Variants in FRMD4A observed in about 807,000 individuals in gnomAD.
The protein encoded by FRMD4A is FERM domain-containing protein 4A.
Under a neutral mutation model 129.1 loss-of-function variants are expected in FRMD4A, and 29 were observed. The ratio of observed to expected loss-of-function variants is 0.22; its 90% CI spans 0.17 to 0.31. FRMD4A has a LOEUF of 0.31. Among genes scored for constraint, FRMD4A ranks in the 10% least tolerant of loss-of-function variants. The pLI is 1.00. For missense variants in FRMD4A, 1,272 were observed against 1,375.8 expected (o/e 0.92, Z 1.19); for synonymous variants, 634 against 571.6 (o/e 1.11, Z -1.56).
At chr10:13,785,856 G>T (rs951382973) in intron 5 of FRMD4A, among the ~76,000 whole-genome samples, 1 of 151,842 alleles carries the variant, frequency 6.6e-6, no homozygotes, top group African/African-American at 2.4e-5. Flanking sequence ...CCACCTATGA[G>T]TAAGAACATG....
At chr10:13,756,230 C>T (rs1281606831) in intron 8 of FRMD4A, 1 of 152,182 alleles carries the variant, frequency 6.6e-6, no homozygotes, top group African/African-American at 2.4e-5. Flanking sequence ...ATGTTTTTTA[C>T]TTGTCTCTGT....
chr10:14,130,434 AT>A (rs1589041528), intron 2 of FRMD4A, among the ~76,000 whole-genome samples: 2 of 152,002 alleles, frequency 1.3e-5, no homozygotes, highest in East Asian at 3.9e-4. Context: ...CTAATTAAAA[AT>A]TTTTTATGTA....
At chr10:13,945,033 C>T (rs1031897376) in intron 2 of FRMD4A, among the ~76,000 whole-genome samples, 2 of 152,136 alleles carry the variant, frequency 1.3e-5, no homozygotes, top group Admixed American at 6.5e-5. Flanking sequence ...CAGTGATCGC[C>T]CCTCCGGTCT....
intron 2 of FRMD4A, among the ~76,000 whole-genome samples, chr10:14,039,391 C>T (rs151011444): frequency 0.11 from 14,953 of 132,352 alleles, 1,113 homozygotes; most frequent in African/African-American, 0.25. Context: ...TCCATCCATC[C>T]ATCCATCCAT....
intron 2 of FRMD4A, among the ~76,000 whole-genome samples, chr10:13,963,764 T>C (rs2095463476): frequency 6.6e-6 from 1 of 152,216 alleles, no homozygotes; most frequent in Non-Finnish European, 1.5e-5. Flanking sequence ...TCTTATATAT[T>C]AGCTCACATG....
intron 14 of FRMD4A, among the ~76,000 whole-genome samples, chr10:13,696,963 G>C (rs1448379287): frequency 6.6e-6 from 1 of 152,204 alleles, no homozygotes; most frequent in Non-Finnish European, 1.5e-5. Flanking sequence ...TTTGCTAACT[G>C]AGGTTAGATT....
intron 2 of FRMD4A, among the ~76,000 whole-genome samples, chr10:14,052,714 A>G (rs7078468): frequency 0.19 from 26,278 of 138,012 alleles, 2,908 homozygotes; most frequent in East Asian, 0.45. Context: ...GCTCACCACC[A>G]TAACTGGCTA....
intron 3 of FRMD4A, among the ~76,000 whole-genome samples, chr10:13,847,239 G>A (rs987749215): frequency 2.6e-5 from 4 of 152,164 alleles, no homozygotes; most frequent in African/African-American, 9.7e-5. Context: ...CCTAGTGGGC[G>A]GCCCCAGGGG....
chr10:14,176,530 A>T (rs1425852185), intron 2 of FRMD4A, among the ~76,000 whole-genome samples: 1 of 139,056 alleles, frequency 7.2e-6, no homozygotes, highest in Non-Finnish European at 1.5e-5. Flanking sequence ...GCTGGAGTGC[A>T]ATGGCGCAAT....
intron 8 of FRMD4A, among the ~76,000 whole-genome samples, chr10:13,750,069 G>GAAGGAAGGAAGAAAGA (rs1382966135): frequency 3.6e-5 from 2 of 55,598 alleles, no homozygotes; most frequent in African/African-American, 6.3e-5. Flanking sequence ...AGGAAGGAAG[G>GAAGGAAGGAAGAAAGA]AAGAAAGAAA....
At chr10:13,651,833 C>A in intron 24 of FRMD4A, 70 bp downstream of exon 24, 1 of 804,842 alleles carries the variant, frequency 1.2e-6, no homozygotes, top group Non-Finnish European at 2.3e-6. Context: ...GAAATGATGA[C>A]ATGGACAAAA....
At chr10:14,065,211 T>A (rs1243578582) in intron 2 of FRMD4A, among the ~76,000 whole-genome samples, 3 of 151,990 alleles carry the variant, frequency 2.0e-5, no homozygotes, top group African/African-American at 4.8e-5. Context: ...AGATGGAGGA[T>A]CTCGCTCTGT....
intron 3 of FRMD4A, among the ~76,000 whole-genome samples, chr10:13,814,580 C>CAAAAAAAAAAAAAA (rs553044764): frequency 1.7e-4 from 7 of 41,390 alleles, no homozygotes; most frequent in East Asian, 7.8e-4. Flanking sequence ...GACCCTGTTT[C>CAAAAAAAAAAAAAA]AAAAAAAAAA....
At chr10:13,758,233 A>G (rs2130685876) in intron 8 of FRMD4A, among the ~76,000 whole-genome samples, 1 of 152,348 alleles carries the variant, frequency 6.6e-6, no homozygotes, top group African/African-American at 2.4e-5. Flanking sequence ...AGGACCTTTC[A>G]GGCTATGAAA....
chr10:14,288,521 G>A (rs1045453761), intron 2 of FRMD4A, among the ~76,000 whole-genome samples: 1 of 152,130 alleles, frequency 6.6e-6, no homozygotes, highest in African/African-American at 2.4e-5. Flanking sequence ...GAAGAAGAGC[G>A]ATTTTGCAAG....
At chr10:13,971,580 C>T (rs894099382) in intron 2 of FRMD4A, 7 of 828,662 alleles carry the variant, frequency 8.4e-6, no homozygotes, top group Non-Finnish European at 1.1e-5. Context: ...GTGACAATAG[C>T]TCATGCCCCC....
chr10:13,870,513 C>T (rs141096761), intron 2 of FRMD4A, among the ~76,000 whole-genome samples: 2 of 152,340 alleles, frequency 1.3e-5, no homozygotes, highest in Admixed American at 1.3e-4. Flanking sequence ...GCTGTGGTCT[C>T]CTCTACGCCA....
At chr10:14,210,305 A>G (rs1345776982) in intron 2 of FRMD4A, among the ~76,000 whole-genome samples, 2 of 152,108 alleles carry the variant, frequency 1.3e-5, no homozygotes, top group Non-Finnish European at 2.9e-5. Context: ...ATGAACCAGA[A>G]AGTGAGACCC....
chr10:13,964,391 G>A (rs2457861), intron 2 of FRMD4A, among the ~76,000 whole-genome samples: 71,138 of 150,328 alleles, frequency 0.47, 17,343 homozygotes, highest in African/African-American at 0.58. Context: ...TGGTAAGTCA[G>A]TAATTCAGAT....
Sources: gnomAD v4.1 joint callset for allele counts (sites outside exome capture counted in the v4.1 genomes callset) on GRCh38, gnomAD v4.1.1 for gene constraint, MANE v1.5 for transcripts, NCBI Gene and HGNC (gene_info 2026-07-23, HGNC 2026-07-21) for gene names.